The following DLGAP2 variants were observed in gnomAD, a reference collection of about 807,000 sequenced individuals.
The protein encoded by DLGAP2 is disks large-associated protein 2.
DLGAP2 carries 26 observed loss-of-function variants against 100.3 expected under a neutral mutation model. The observed-to-expected ratio is 0.26, with a 90% CI of 0.19 to 0.36. DLGAP2 has a LOEUF of 0.36. DLGAP2 is among the 10% of genes least tolerant of loss of function. The pLI, the probability that DLGAP2 is intolerant of heterozygous loss-of-function variation, is 1.00. For missense variants in DLGAP2, 1,858 were observed against 1,453.2 expected, an observed-to-expected ratio of 1.28 and a Z score of -4.53; for synonymous variants, 886 against 630.1, an observed-to-expected ratio of 1.41 and a Z score of -6.08.
At chr8:1,255,035 C>CTGTGTGTGTGTCCTCTCAT (rs1799154383) in intron 2 of DLGAP2, among the ~76,000 whole-genome samples, 2 of 119,602 alleles carry the variant, frequency 1.7e-5, no homozygotes, top group African/African-American at 6.2e-5. Context: ...TCTTCTCCTG[C>CTGTGTGTGTGTCCTCTCAT]CCAGCCGCTG....
At chr8:1,451,251 A>G (rs1798151680) in intron 3 of DLGAP2, among the ~76,000 whole-genome samples, 1 of 152,108 alleles carries the variant, frequency 6.6e-6, no homozygotes, top group African/African-American at 2.4e-5. Flanking sequence ...CAGCGTAACT[A>G]ACATCCTACA....
intron 1 of DLGAP2, among the ~76,000 whole-genome samples, chr8:868,571 G>C (rs1382666387): frequency 2.6e-5 from 4 of 152,226 alleles, no homozygotes; most frequent in Admixed American, 2.6e-4. Flanking sequence ...TCCAGAAAAA[G>C]TGTCCATCAT....
rs973186298 is a variant in DLGAP2 at position 1,265,143 on chromosome 8, G to A, written c.106+6260G>A. Among the ~76,000 whole-genome samples the A allele has an allele frequency of 3.3e-5, 5 of 152,106 alleles. 1 individual carries two copies. Among genetic ancestry groups the A allele is most frequent in the Non-Finnish European group, 7.4e-5 (5 of 68,024 alleles). ...GAATAAGAAGATACAACAGGAGAATGAACAACCAAAGCCCTAGAAGTAATA... is the reference window on the plus strand; with the variant it reads ...GAATAAGAAGATACAACAGGAGAATAAACAACCAAAGCCCTAGAAGTAATA... On this transcript the variant is annotated intron_variant, in intron 3 of 14. Coordinates refer to ENST00000637795, the MANE Select transcript of DLGAP2 (RefSeq NM_001346810.2).
chr8:1,293,421 C>A (rs1585229486), intron 3 of DLGAP2, among the ~76,000 whole-genome samples: 1 of 152,126 alleles, frequency 6.6e-6, no homozygotes, highest in South Asian at 2.1e-4. Context: ...AGGCTGGGCT[C>A]CCGGACAGCT....
At chr8:857,137 C>T (rs1797294113) in intron 1 of DLGAP2, among the ~76,000 whole-genome samples, 1 of 152,218 alleles carries the variant, frequency 6.6e-6, no homozygotes, top group African/African-American at 2.4e-5. Flanking sequence ...CTCTTATCAA[C>T]AGATGGTGTG....
At chr8:843,869 A>C (rs552939576) in intron 1 of DLGAP2, among the ~76,000 whole-genome samples, 1 of 152,350 alleles carries the variant, frequency 6.6e-6, no homozygotes, top group South Asian at 2.1e-4. Context: ...CAATAAGAGT[A>C]ACTGTACGGA....
At chr8:1,691,490 G>A (rs75502734) in intron 12 of DLGAP2, 45 bp from the exon 13 acceptor site, 1 of 1,544,864 alleles carries the variant, frequency 6.5e-7, no homozygotes, top group South Asian at 1.2e-5. Context: ...AATTGACCCA[G>A]TTTTGAAGTT....
chr8:1,516,371 GTGAGTGAGTGACTGAGTGAA>G (rs1800382374), intron 4 of DLGAP2, among the ~76,000 whole-genome samples: 1 of 151,840 alleles, frequency 6.6e-6, no homozygotes, highest in Non-Finnish European at 1.5e-5. Context: ...GAGTGAATGA[GTGAGTGAGTGACTGAGTGAA>G]TGAGTGGGTG....
chr8:1,169,788 AC>A (rs1486599335), intron 2 of DLGAP2, among the ~76,000 whole-genome samples: 29 of 151,934 alleles, frequency 1.9e-4, no homozygotes, highest in African/African-American at 6.5e-4. Flanking sequence ...TTGGGCTGAG[AC>A]AGTGGGATTT....
intron 2 of DLGAP2, among the ~76,000 whole-genome samples, chr8:980,237 C>T (rs1039754276): frequency 2.6e-5 from 4 of 152,188 alleles, no homozygotes; most frequent in South Asian, 2.1e-4. Flanking sequence ...GCCAAAGAAA[C>T]GGGATGGGAG....
chr8:878,211 G>A (rs1310744718), intron 1 of DLGAP2, among the ~76,000 whole-genome samples: 1 of 152,124 alleles, frequency 6.6e-6, no homozygotes, highest in African/African-American at 2.4e-5. Flanking sequence ...TGGGAGGAAA[G>A]TTGAATTTAT....
intron 1 of DLGAP2, among the ~76,000 whole-genome samples, chr8:798,061 C>T (rs1018178317): frequency 7.9e-5 from 12 of 152,180 alleles, no homozygotes; most frequent in Middle Eastern, 3.2e-3. Flanking sequence ...GTCTTTTGTA[C>T]TTTAACTGCT....
chr8:1,328,502 G>T (rs1358250468), intron 3 of DLGAP2, among the ~76,000 whole-genome samples: 1 of 151,042 alleles, frequency 6.6e-6, no homozygotes, highest in Non-Finnish European at 1.5e-5. Context: ...TTGTTTTTTT[G>T]TTTGTTTGTT....
intron 2 of DLGAP2, among the ~76,000 whole-genome samples, chr8:1,079,947 T>C (rs1803747380): frequency 6.6e-6 from 1 of 152,214 alleles, no homozygotes; most frequent in South Asian, 2.1e-4. Flanking sequence ...AGTGCTGGAA[T>C]GCACTCCTCT....
At chr8:1,059,550 C>G (rs910268793) in intron 2 of DLGAP2, among the ~76,000 whole-genome samples, 1 of 152,330 alleles carries the variant, frequency 6.6e-6, no homozygotes, top group Non-Finnish European at 1.5e-5. Flanking sequence ...TGCCCATTGC[C>G]TCCCCTCCAT....
chr8:1,140,266 G>T (rs370544913), intron 2 of DLGAP2, among the ~76,000 whole-genome samples: 2 of 152,138 alleles, frequency 1.3e-5, no homozygotes, highest in Non-Finnish European at 2.9e-5. Context: ...GTTGCCGGGT[G>T]GGTGACAGCA....
intron 4 of DLGAP2, among the ~76,000 whole-genome samples, chr8:1,515,466 G>T (rs1800337233): frequency 1.3e-5 from 2 of 151,270 alleles, no homozygotes; most frequent in South Asian, 4.2e-4. Flanking sequence ...GAAAACAATT[G>T]TAGACATGCA....
intron 1 of DLGAP2, among the ~76,000 whole-genome samples, chr8:839,409 CAA>C (rs1796940739): frequency 6.6e-6 from 1 of 152,186 alleles, no homozygotes; most frequent in South Asian, 2.1e-4. Context: ...TTTAAAAAGA[CAA>C]AGACATTTCT....
intron 2 of DLGAP2, among the ~76,000 whole-genome samples, chr8:1,227,587 A>C (rs558952787): frequency 1.3e-5 from 2 of 151,924 alleles, no homozygotes; most frequent in East Asian, 3.9e-4. Context: ...TCCACCTCCC[A>C]GGTTCAAGCA....
Sources: allele counts gnomAD v4.1 joint callset (sites outside exome capture counted in the v4.1 genomes callset), GRCh38; gene constraint gnomAD v4.1.1; transcripts MANE v1.5; gene names NCBI Gene and HGNC (gene_info 2026-07-23, HGNC 2026-07-21).